TCF7L1: variants seen among roughly 807,000 people sequenced by gnomAD.
TCF7L1 encodes the protein transcription factor 7 like 1, also known as transcription factor 7-like 1.
TCF7L1 carries 18 observed loss-of-function variants against 63.7 expected under a neutral mutation model. That is an observed-to-expected ratio of 0.28 (90% CI 0.20 to 0.42). The LOEUF is 0.42. Ranked by LOEUF, TCF7L1 falls within the 10% of genes least tolerant of loss-of-function variation. The pLI, the probability that TCF7L1 is intolerant of heterozygous loss-of-function variation, is 1.00. For missense variants in TCF7L1, 654 were observed against 779.3 expected, an observed-to-expected ratio of 0.84 and a Z score of 1.91; for synonymous variants, 355 against 340.9, an observed-to-expected ratio of 1.04 and a Z score of -0.46.
intron 3 of TCF7L1, among the ~76,000 whole-genome samples, chr2:85,240,640 GGACATGGT>G (rs1444922317): frequency 1.3e-5 from 2 of 151,310 alleles, no homozygotes; most frequent in Non-Finnish European, 2.9e-5. Context: ...AAAATTAGCT[GGACATGGT>G]GGCGAGTGCC....
At chr2:85,161,984 C>G (rs965500195) in intron 3 of TCF7L1, among the ~76,000 whole-genome samples, 2 of 152,034 alleles carry the variant, frequency 1.3e-5, no homozygotes, top group Admixed American at 6.5e-5. Flanking sequence ...TGTTGGGCCA[C>G]AGGCCTGGTG....
chr2:85,209,945 G>A (rs1463397170), intron 3 of TCF7L1, among the ~76,000 whole-genome samples: 1 of 152,108 alleles, frequency 6.6e-6, no homozygotes, highest in African/African-American at 2.4e-5. Context: ...TTTTTAGCAG[G>A]GATCTCTGTT....
At chr2:85,182,555 G>A (rs963745587) in intron 3 of TCF7L1, among the ~76,000 whole-genome samples, 15 of 152,202 alleles carry the variant, frequency 9.9e-5, no homozygotes, top group Admixed American at 7.8e-4. Flanking sequence ...CTGGTTCTCT[G>A]CACTCCAGAG....
intron 3 of TCF7L1, among the ~76,000 whole-genome samples, chr2:85,259,723 A>G (rs761289519): frequency 1.3e-5 from 2 of 152,198 alleles, no homozygotes; most frequent in Non-Finnish European, 2.9e-5. Context: ...GAGCCATACA[A>G]TTTTTTAAAG....
chr2:85,140,677 G>A (rs1157810085), intron 3 of TCF7L1, among the ~76,000 whole-genome samples: 1 of 152,162 alleles, frequency 6.6e-6, no homozygotes, highest in Admixed American at 6.5e-5. Context: ...GCAGGTGCCT[G>A]TAATCCCGGG....
chr2:85,277,759 A>G (rs539946638), intron 3 of TCF7L1, among the ~76,000 whole-genome samples: 1 of 152,180 alleles, frequency 6.6e-6, no homozygotes, highest in East Asian at 1.9e-4. Flanking sequence ...CTTGCATGCA[A>G]CTGTGGGGAG....
chr2:85,229,864 C>T (rs1274207250), intron 3 of TCF7L1, among the ~76,000 whole-genome samples: 2 of 152,092 alleles, frequency 1.3e-5, no homozygotes, highest in East Asian at 1.9e-4. Flanking sequence ...AAAAAATAGC[C>T]GGACGTGGTG....
intron 3 of TCF7L1, among the ~76,000 whole-genome samples, chr2:85,156,142 T>C (rs1017079477): frequency 2.6e-5 from 4 of 152,222 alleles, no homozygotes; most frequent in African/African-American, 9.6e-5. Context: ...GGAACTTCTG[T>C]GTTCCGTCTT....
chr2:85,265,929 A>C (rs911629416), intron 3 of TCF7L1, among the ~76,000 whole-genome samples: 3 of 152,190 alleles, frequency 2.0e-5, no homozygotes, highest in Admixed American at 1.3e-4. Flanking sequence ...AGTTCAACTC[A>C]CCTCTTAGTG....
At chr2:85,206,879 G>T (rs1322733012) in intron 3 of TCF7L1, among the ~76,000 whole-genome samples, 1 of 152,204 alleles carries the variant, frequency 6.6e-6, no homozygotes, top group Non-Finnish European at 1.5e-5. Context: ...ATCTTTTAAG[G>T]ATTTGTTTTT....
chr2:85,153,437 G>A (rs1252261521), intron 3 of TCF7L1, among the ~76,000 whole-genome samples: 1 of 144,956 alleles, frequency 6.9e-6, no homozygotes, highest in African/African-American at 2.6e-5. Context: ...CGCCTCCCGG[G>A]TTCACGCCAT....
intron 3 of TCF7L1, among the ~76,000 whole-genome samples, chr2:85,144,901 T>C (rs1049355138): frequency 1.3e-5 from 2 of 151,778 alleles, no homozygotes; most frequent in African/African-American, 4.8e-5. Flanking sequence ...TTGGCCACCA[T>C]GGTGAAACCC....
At chr2:85,225,879 T>A (rs1431826505) in intron 3 of TCF7L1, among the ~76,000 whole-genome samples, 1 of 152,182 alleles carries the variant, frequency 6.6e-6, no homozygotes, top group African/African-American at 2.4e-5. Context: ...ATGCTTCTAG[T>A]TTTTGCTCAT....
At chr2:85,288,776 G>A (rs929695103) in intron 4 of TCF7L1, among the ~76,000 whole-genome samples, 2 of 152,118 alleles carry the variant, frequency 1.3e-5, no homozygotes, top group African/African-American at 2.4e-5. Context: ...TGTAAGATCC[G>A]ATCAGTGTAA....
chr2:85,264,458 G>A (rs1430345129), intron 3 of TCF7L1, among the ~76,000 whole-genome samples: 4 of 152,182 alleles, frequency 2.6e-5, no homozygotes, highest in Non-Finnish European at 1.5e-5. Context: ...TCAGAGTCTG[G>A]ATAGGAACTG....
intron 3 of TCF7L1, among the ~76,000 whole-genome samples, chr2:85,237,652 C>A (rs1680223651): frequency 6.6e-6 from 1 of 151,342 alleles, no homozygotes; most frequent in Non-Finnish European, 1.5e-5. Context: ...CATATATTAA[C>A]CCTGGGCTTG....
chr2:85,308,903 G>A lies in TCF7L1; in HGVS notation c.1334-126G>A, dbSNP rs181961935. 2.2e-4 allele frequency: 239 copies of A among 1,094,072 alleles called. 2 individuals carry two copies. In the East Asian group the frequency reaches 5.0e-3, roughly 23 times the overall value. 67.8% of individuals were successfully genotyped at this position (1,094,072 alleles called of 1,614,324 possible). ...TTTCCTAGTCTTGAAAGCCTTGGAA[G>A]TAATGTCAGGTCCTCGCCAAAATCA... is the stretch of plus-strand genomic sequence containing the variant. On this transcript the variant is annotated intron_variant, in intron 11 of 11. Coordinates refer to ENST00000282111, the MANE Select transcript of TCF7L1 (RefSeq NM_031283.3).
intron 3 of TCF7L1, among the ~76,000 whole-genome samples, chr2:85,142,461 TG>T: frequency 1.0e-5 from 1 of 96,506 alleles, no homozygotes; most frequent in African/African-American, 3.8e-5. Flanking sequence ...TGTGTGTGTG[TG>T]TGTTGTGTGT....
intron 3 of TCF7L1, among the ~76,000 whole-genome samples, chr2:85,149,564 C>T (rs1391958695): frequency 2.0e-5 from 3 of 152,020 alleles, no homozygotes; most frequent in South Asian, 2.1e-4. Context: ...CTGGCTGCAA[C>T]GCCCAGGCTG....
Sources: gnomAD v4.1 joint callset for allele counts (sites outside exome capture counted in the v4.1 genomes callset) on GRCh38, gnomAD v4.1.1 for gene constraint, MANE v1.5 for transcripts, NCBI Gene and HGNC (gene_info 2026-07-23, HGNC 2026-07-21) for gene names.